Variants in OPCML observed in about 807,000 individuals in gnomAD.
The protein encoded by OPCML is opioid-binding protein/cell adhesion molecule.
A neutral mutation model predicts 37.8 loss-of-function variants in OPCML; 13 were observed. The observed-to-expected ratio is 0.34, with a 90% CI of 0.22 to 0.55. OPCML has a LOEUF of 0.55. Ranked by LOEUF, OPCML falls within the 20% of genes least tolerant of loss-of-function variation. The probability of loss-of-function intolerance (pLI) is 0.91; values close to 1 mark genes in which losing one functional copy is unlikely to be tolerated. For missense variants in OPCML, 341 were observed against 435.6 expected, an observed-to-expected ratio of 0.78 and a Z score of 1.93; for synonymous variants, 176 against 168.8, an observed-to-expected ratio of 1.04 and a Z score of -0.33.
chr11:132,972,692 C>A (rs769873871), intron 1 of OPCML, among the ~76,000 whole-genome samples: 1 of 152,184 alleles, frequency 6.6e-6, no homozygotes, highest in Non-Finnish European at 1.5e-5. Context: ...GCCACAGTAG[C>A]AATGCGCAAG....
At position 132,779,404 on chromosome 11, in the gene OPCML, C is replaced by T. The variant is rs115905164; in HGVS notation, c.147-122085G>A. Reference sequence around the variant, plus strand: ...TTCCCTTACTCTTTATCTTAAAATCCATAGATGGGCTTCTGGGGGTCCCTG... The same window carrying T: ...TTCCCTTACTCTTTATCTTAAAATCTATAGATGGGCTTCTGGGGGTCCCTG... On this transcript the variant is annotated intron_variant, in intron 2 of 7. Coordinates refer to ENST00000524381, the MANE Select transcript of OPCML (RefSeq NM_001012393.5). Among the ~76,000 whole-genome samples, 669 of 152,128 alleles carry T rather than the reference C, an allele frequency of 4.4e-3. 3 individuals carry two copies. The highest frequency in any genetic ancestry group is 0.016 in the African/African-American group (646 of 41,488).
At chr11:133,393,091 C>G (rs1945208564) in intron 1 of OPCML, among the ~76,000 whole-genome samples, 1 of 150,716 alleles carries the variant, frequency 6.6e-6, no homozygotes, top group Admixed American at 6.6e-5. Context: ...TAAAACAGCC[C>G]CTACATATAG....
chr11:132,684,094 C>G (rs933321572), intron 2 of OPCML, among the ~76,000 whole-genome samples: 5 of 152,132 alleles, frequency 3.3e-5, no homozygotes, highest in African/African-American at 1.2e-4. Context: ...TAAAGATGAG[C>G]AGTTCTAGGC....
intron 4 of OPCML, among the ~76,000 whole-genome samples, chr11:132,498,193 C>T (rs1415704125): frequency 6.6e-6 from 1 of 152,128 alleles, no homozygotes; most frequent in Non-Finnish European, 1.5e-5. Flanking sequence ...GGTAACATTA[C>T]TTAAATTATG....
In OPCML at chr11:132,865,582, A is replaced by G. The variant is rs577100053; in HGVS notation, c.146+77344T>C. On this transcript the variant is annotated intron_variant, in intron 2 of 7. Transcript: ENST00000524381. ...GAATCCAGCTTACTGTTTAGAAAGT[A>G]GTGGCTCAACATTGTTAAATGCATG... Among the ~76,000 whole-genome samples the G allele has an allele frequency of 1.3e-4, 20 of 152,330 alleles. No homozygotes were observed. The East Asian group carries it at 3.9e-3, about 29-fold the overall frequency.
At position 132,464,446 on chromosome 11, in the gene OPCML, C is replaced by T. The variant is rs569259028; in HGVS notation, c.506-27087G>A. Among the ~76,000 whole-genome samples the T allele has an allele frequency of 3.9e-5, 6 of 152,260 alleles. No individual in the cohort carries two copies. The South Asian group carries it at 6.2e-4, about 16-fold the overall frequency. ...CCTGGCCACTAGAATGTAAGCTCCA[C>T]GAGAGCAAGAACTATGCTTAGTTCA... On this transcript the variant is annotated intron_variant, in intron 4 of 7. Transcript: ENST00000524381.
At chr11:132,570,454 G>A (rs2137559699) in intron 3 of OPCML, among the ~76,000 whole-genome samples, 2 of 152,060 alleles carry the variant, frequency 1.3e-5, no homozygotes, top group South Asian at 4.1e-4. Flanking sequence ...GGAGCAGGCA[G>A]GATATGCTGA....
chr11:132,827,910 T>C (rs11223228), intron 2 of OPCML, among the ~76,000 whole-genome samples: 61,142 of 151,746 alleles, frequency 0.4, 13,110 homozygotes, highest in Non-Finnish European at 0.48. Context: ...GGATTACAGG[T>C]GTGAGCCACC....
intron 7 of OPCML, among the ~76,000 whole-genome samples, chr11:132,427,132 G>A (rs1185631867): frequency 6.6e-5 from 10 of 152,108 alleles, no homozygotes; most frequent in Admixed American, 1.3e-4. Context: ...GCAGATGGTA[G>A]GGTGACCACA....
chr11:133,086,593 ATGTAATGCATGG>A lies in OPCML; in HGVS notation c.62-143595_62-143584del, dbSNP rs565484900. Among the ~76,000 whole-genome samples the A allele has an allele frequency of 4.1e-3, 630 of 152,282 alleles. 3 individuals carry two copies. Among genetic ancestry groups the A allele is most frequent in the African/African-American group, 0.013 (557 of 41,554 alleles). ...TCAAGGTGTACAACGTGATGATTTG[ATGTAATGCATGG>A]TGTAATGCATGGTGTAATGACTGCA... is the stretch of plus-strand genomic sequence containing the variant. On this transcript the variant is annotated intron_variant, in intron 1 of 7. Transcript: ENST00000524381.
At chr11:133,339,120 C>T (rs1470480031) in intron 1 of OPCML, among the ~76,000 whole-genome samples, 3 of 152,116 alleles carry the variant, frequency 2.0e-5, no homozygotes, top group African/African-American at 4.8e-5. Context: ...CAACTCTACT[C>T]GATTATCTGT....
chr11:132,980,008 G>C (rs907442155), intron 1 of OPCML, among the ~76,000 whole-genome samples: 1 of 152,246 alleles, frequency 6.6e-6, no homozygotes, highest in African/African-American at 2.4e-5. Context: ...AGATGTTAGA[G>C]AGAGGTTATT....
intron 1 of OPCML, chr11:133,117,787 C>T: frequency 4.1e-6 from 4 of 983,494 alleles, no homozygotes; most frequent in Non-Finnish European, 4.8e-6. Context: ...AGAGAAAGTG[C>T]TTAGATCAGA....
intron 1 of OPCML, among the ~76,000 whole-genome samples, chr11:133,496,336 C>T (rs181405730): frequency 8.5e-5 from 13 of 152,210 alleles, no homozygotes; most frequent in South Asian, 4.2e-4. Flanking sequence ...GGTAGTGTGA[C>T]GCCTCCAGAT....
intron 7 of OPCML, among the ~76,000 whole-genome samples, chr11:132,422,127 G>GTA (rs1007039096): frequency 5.3e-5 from 8 of 151,662 alleles, no homozygotes; most frequent in Admixed American, 2.0e-4. Context: ...ATGTATATAC[G>GTA]TATATATATA....
At chr11:133,331,525 A>G (rs1305519751) in intron 1 of OPCML, among the ~76,000 whole-genome samples, 1 of 152,138 alleles carries the variant, frequency 6.6e-6, no homozygotes, top group African/African-American at 2.4e-5. Flanking sequence ...AAAAACAAAA[A>G]ACACTCTTTT....
intron 2 of OPCML, among the ~76,000 whole-genome samples, chr11:132,679,906 G>C (rs1942865959): frequency 6.6e-6 from 1 of 152,234 alleles, no homozygotes; most frequent in Admixed American, 6.5e-5. Context: ...CAAAGGAACT[G>C]TTTGTTGGAG....
intron 1 of OPCML, among the ~76,000 whole-genome samples, chr11:133,498,114 C>T (rs1947824847): frequency 6.6e-6 from 1 of 152,190 alleles, no homozygotes; most frequent in South Asian, 2.1e-4. Flanking sequence ...GGAGAGGGTG[C>T]CGGGCAAGCG....
At chr11:132,563,197 G>T (rs1463257883) in intron 3 of OPCML, among the ~76,000 whole-genome samples, 1 of 152,128 alleles carries the variant, frequency 6.6e-6, no homozygotes, top group Non-Finnish European at 1.5e-5. Context: ...TAGAGATGAG[G>T]CTTATGCAGC....
Sources: gnomAD v4.1 joint callset for allele counts (sites outside exome capture counted in the v4.1 genomes callset) on GRCh38, gnomAD v4.1.1 for gene constraint, MANE v1.5 for transcripts, NCBI Gene and HGNC (gene_info 2026-07-23, HGNC 2026-07-21) for gene names.